Variants in FAM13C observed in about 807,000 individuals in gnomAD.
FAM13C encodes the protein family with sequence similarity 13 member C.
In FAM13C, 37 loss-of-function variants were observed where a neutral mutation model predicts 73.2. That is an observed-to-expected ratio of 0.51 (90% CI 0.39 to 0.67). FAM13C has a LOEUF of 0.67. Among genes scored for constraint, FAM13C ranks in the 30% least tolerant of loss-of-function variants. FAM13C has a pLI of 0.00. For synonymous variants in FAM13C, 246 were observed against 260.9 expected (o/e 0.94, Z 0.55); for missense variants, 589 against 715.6 (o/e 0.82, Z 2.02).
At chr10:59,283,472 C>T (rs1183135491) in intron 5 of FAM13C, 25 bp from the exon 6 acceptor site, 13 of 1,612,428 alleles carry the variant, frequency 8.1e-6, no homozygotes, top group Non-Finnish European at 1.0e-5. Flanking sequence ...ATGCAGAGCA[C>T]AGATCAGATT....
chr10:59,272,291 G>T (rs1292843676), intron 6 of FAM13C, among the ~76,000 whole-genome samples: 3 of 152,204 alleles, frequency 2.0e-5, no homozygotes, highest in African/African-American at 7.2e-5. Flanking sequence ...AGCAACACCA[G>T]TCAAAAACTG....
chr10:59,342,082 T>C (rs1046813771), intron 3 of FAM13C, among the ~76,000 whole-genome samples: 2 of 152,148 alleles, frequency 1.3e-5, no homozygotes, highest in African/African-American at 2.4e-5. Flanking sequence ...AGCTGGCTCA[T>C]GAAAGTCAGC....
chr10:59,253,115 G>T, intron 11 of FAM13C, 117 bp from the exon 12 acceptor site: 1 of 952,740 alleles, frequency 1.0e-6, no homozygotes. Context: ...GGTGACCCAT[G>T]TGCCTACTGA....
At chr10:59,286,516 A>AATATATAT (rs1159774665) in intron 5 of FAM13C, among the ~76,000 whole-genome samples, 6,539 of 110,702 alleles carry the variant, frequency 0.059, 393 homozygotes, top group Middle Eastern at 0.11. Flanking sequence ...CTCCATCTCA[A>AATATATAT]ATATATATAT....
chr10:59,263,544 A>G (rs1278386592), intron 9 of FAM13C, among the ~76,000 whole-genome samples: 1 of 152,096 alleles, frequency 6.6e-6, no homozygotes, highest in Middle Eastern at 3.2e-3. Context: ...ATAATTTTTT[A>G]TTGGTAAATT....
At chr10:59,324,436 T>C (rs1850806095) in intron 3 of FAM13C, among the ~76,000 whole-genome samples, 1 of 152,026 alleles carries the variant, frequency 6.6e-6, no homozygotes, top group Admixed American at 6.6e-5. Flanking sequence ...GAAAAGATAA[T>C]TCATAGAAGA....
chr10:59,356,935 C>T lies in FAM13C; in HGVS notation c.63-992G>A, dbSNP rs565636557. 1.7e-4 allele frequency among the ~76,000 whole-genome samples: 26 copies of T among 152,322 alleles called. No homozygotes were observed. In the South Asian group the frequency reaches 1.9e-3, roughly 11 times the overall value. ...TGCTGAGCCATCTGGCCTTCATCTT[C>T]CTCTTGTGCTGGATGCTTCCAGCCT... On this transcript the variant is annotated intron_variant, in intron 1 of 13. Coordinates refer to ENST00000618804, the MANE Select transcript of FAM13C (RefSeq NM_198215.4).
chr10:59,328,475 A>T (rs1464962805), intron 3 of FAM13C, among the ~76,000 whole-genome samples: 5 of 151,870 alleles, frequency 3.3e-5, no homozygotes, highest in Non-Finnish European at 7.3e-5. Context: ...GTACAAATCC[A>T]TGGCCATCAA....
At chr10:59,316,288 C>G (rs978361966) in intron 4 of FAM13C, among the ~76,000 whole-genome samples, 43 of 152,100 alleles carry the variant, frequency 2.8e-4, no homozygotes, top group African/African-American at 1.0e-3. Context: ...ACTCCAAATC[C>G]TATGCCTAGA....
At chr10:59,337,532 AG>A (rs1357363858) in intron 3 of FAM13C, among the ~76,000 whole-genome samples, 1 of 152,218 alleles carries the variant, frequency 6.6e-6, no homozygotes, top group Non-Finnish European at 1.5e-5. Flanking sequence ...TGCCAGAGCA[AG>A]TTGTTATTGA....
intron 1 of FAM13C, 21 bp downstream of exon 1, chr10:59,362,378 T>G (rs778623019): frequency 6.2e-7 from 1 of 1,612,940 alleles, no homozygotes; most frequent in African/African-American, 1.3e-5. Flanking sequence ...AAGTCTAATT[T>G]TAATGGTAAG....
rs1163150745 is a variant in FAM13C at position 59,270,101 on chromosome 10, G to A, written c.601C>T (p.Pro201Ser). Residue 201 changes from proline (P) to serine (S), a missense_variant, in exon 7 of 14, where the codon CCA (proline) becomes TCA (serine). Coordinates refer to ENST00000618804, the MANE Select transcript of FAM13C (RefSeq NM_198215.4). ...TCATTCTGCCCATCTTTGTGGACTGGTGAGGGGTCTGGGCAAATGAGACAA... is the reference window on the plus strand; with the variant it reads ...TCATTCTGCCCATCTTTGTGGACTGATGAGGGGTCTGGGCAAATGAGACAA... ...ADGTDSADPS[P>S]VHKDGQNEAD... 6.2e-7 allele frequency: 1 copy of A among 1,612,810 alleles called. No individual in the cohort carries two copies.
chr10:59,336,868 C>A (rs1439468744), intron 3 of FAM13C, among the ~76,000 whole-genome samples: 1 of 152,204 alleles, frequency 6.6e-6, no homozygotes. Flanking sequence ...AAGGCCCTTA[C>A]AATCCAGCCT....
chr10:59,291,857 C>T (rs976501544), intron 5 of FAM13C, among the ~76,000 whole-genome samples: 7 of 135,228 alleles, frequency 5.2e-5, no homozygotes, highest in Non-Finnish European at 9.2e-5. Flanking sequence ...GGTGTGATCT[C>T]GGCTCACTGC....
At chr10:59,271,782 G>A (rs1388305306) in intron 6 of FAM13C, among the ~76,000 whole-genome samples, 1 of 152,176 alleles carries the variant, frequency 6.6e-6, no homozygotes, top group Non-Finnish European at 1.5e-5. Context: ...AAGAAGAAAT[G>A]TGTTTTATTC....
intron 3 of FAM13C, among the ~76,000 whole-genome samples, chr10:59,325,018 T>C (rs1477118897): frequency 6.6e-6 from 1 of 152,162 alleles, no homozygotes; most frequent in East Asian, 1.9e-4. Flanking sequence ...ATGTCAAACC[T>C]CTAATTGAAA....
At chr10:59,272,342 T>C (rs1466223343) in intron 6 of FAM13C, among the ~76,000 whole-genome samples, 1 of 152,138 alleles carries the variant, frequency 6.6e-6, no homozygotes, top group Non-Finnish European at 1.5e-5. Flanking sequence ...AAACTCCCCA[T>C]TTGAGTTGAG....
At chr10:59,264,226 G>T in intron 8 of FAM13C, 60 bp from the exon 9 acceptor site, 1 of 1,119,898 alleles carries the variant, frequency 8.9e-7, no homozygotes, top group Non-Finnish European at 1.3e-6. Context: ...GGGTGGGGGA[G>T]AAAAAGAGAA....
At chr10:59,273,954 G>A (rs1844014167) in intron 6 of FAM13C, among the ~76,000 whole-genome samples, 1 of 152,184 alleles carries the variant, frequency 6.6e-6, no homozygotes, top group African/African-American at 2.4e-5. Flanking sequence ...GGGGTGCTGA[G>A]ATGTGTAGAT....
Sources: gnomAD v4.1 joint callset for allele counts (sites outside exome capture counted in the v4.1 genomes callset) on GRCh38, gnomAD v4.1.1 for gene constraint, MANE v1.5 for transcripts, NCBI Gene and HGNC (gene_info 2026-07-23, HGNC 2026-07-21) for gene names.